Variants in TSPAN14 observed in about 807,000 individuals in gnomAD.
TSPAN14 encodes tetraspanin-14.
A neutral mutation model predicts 36.6 loss-of-function variants in TSPAN14; 16 were observed. The ratio of observed to expected loss-of-function variants is 0.44; its 90% CI spans 0.30 to 0.66. TSPAN14 has a LOEUF of 0.66. TSPAN14 is among the 30% of genes least tolerant of loss of function. The probability of loss-of-function intolerance (pLI) is 0.12; values close to 1 mark genes in which losing one functional copy is unlikely to be tolerated. For missense variants in TSPAN14, 231 were observed against 355.1 expected (o/e 0.65, Z 2.81); for synonymous variants, 139 against 143.8 (o/e 0.97, Z 0.24).
chr10:80,479,133 G>A (rs561698183), intron 1 of TSPAN14, among the ~76,000 whole-genome samples: 1 of 152,158 alleles, frequency 6.6e-6, no homozygotes, highest in South Asian at 2.1e-4. Context: ...ACTTTTTGAT[G>A]GGGTTGTTTG....
chr10:80,475,674 G>A (rs769021313), intron 1 of TSPAN14, among the ~76,000 whole-genome samples: 11 of 152,064 alleles, frequency 7.2e-5, no homozygotes, highest in African/African-American at 1.7e-4. Flanking sequence ...TGCAACTTCC[G>A]CCTCCTGGGT....
chr10:80,516,676 G>A (rs1840958489), intron 8 of TSPAN14, among the ~76,000 whole-genome samples: 1 of 152,160 alleles, frequency 6.6e-6, no homozygotes, highest in Non-Finnish European at 1.5e-5. Flanking sequence ...TGCTCGGGGT[G>A]GGCCATCAAG....
chr10:80,515,042 CTGT>C (rs1269042436), intron 7 of TSPAN14, among the ~76,000 whole-genome samples: 1 of 152,152 alleles, frequency 6.6e-6, no homozygotes, highest in Non-Finnish European at 1.5e-5. Flanking sequence ...AAATAAATTT[CTGT>C]TGTTTATAAG....
At chr10:80,483,397 T>C (rs1847401238) in intron 1 of TSPAN14, among the ~76,000 whole-genome samples, 1 of 152,236 alleles carries the variant, frequency 6.6e-6, no homozygotes, top group East Asian at 1.9e-4. Context: ...TTACAAATTG[T>C]CTCATAATTG....
In TSPAN14 at chr10:80,509,768, C is replaced by G. The variant is rs1840515179; in HGVS notation, c.450+297C>G. On this transcript the variant is annotated intron_variant, in intron 5 of 8. Coordinates refer to ENST00000429989, the Ensembl canonical transcript of TSPAN14. This position sits in a 1 kb window ranked among gnomAD's most constrained non-coding sequence, Gnocchi z 4.7. ...TCTTTCGGCCCCAGATCTTTCCAATCCTGCCCAATAGCCATACCAGCTGCA... is the reference window on the plus strand; with the variant it reads ...TCTTTCGGCCCCAGATCTTTCCAATGCTGCCCAATAGCCATACCAGCTGCA... 1 of 384,448 alleles carries G rather than the reference C, an allele frequency of 2.6e-6. No homozygotes were observed. The highest frequency in any genetic ancestry group is 4.3e-5 in the Admixed American group (1 of 23,226). The allele number at this position is 384,448 out of a possible 1,614,324, so 23.8% of individuals were successfully genotyped here.
chr10:80,488,085 C>G (rs1337272006), intron 1 of TSPAN14, among the ~76,000 whole-genome samples: 1 of 152,166 alleles, frequency 6.6e-6, no homozygotes, highest in East Asian at 1.9e-4. Flanking sequence ...CTAGGGTGGC[C>G]TTGTCTCCTT....
chr10:80,511,665 A>G (rs749863235), intron 5 of TSPAN14, among the ~76,000 whole-genome samples: 8 of 138,370 alleles, frequency 5.8e-5, no homozygotes, highest in Non-Finnish European at 1.1e-4. Flanking sequence ...CTTCACTGCC[A>G]TTTCCTTTTT....
chr10:80,513,340 C>A lies in TSPAN14; in HGVS notation c.577-679C>A, dbSNP rs143222878. 9.9e-5 allele frequency among the ~76,000 whole-genome samples: 15 copies of A among 152,252 alleles called. No homozygotes were observed. In the East Asian group the frequency reaches 2.9e-3, roughly 29 times the overall value. Reference sequence around the variant, plus strand: ...AGTAGAACTGGGCCAGTTGCCAGCTCTCGGTGCAGTTATGCAAAGCCTGGT... The same window carrying A: ...AGTAGAACTGGGCCAGTTGCCAGCTATCGGTGCAGTTATGCAAAGCCTGGT... On this transcript the variant is annotated intron_variant, in intron 6 of 8. Coordinates refer to ENST00000429989, the Ensembl canonical transcript of TSPAN14.
intron 3 of TSPAN14, among the ~76,000 whole-genome samples, chr10:80,505,692 T>C (rs770386252): frequency 4.6e-5 from 7 of 152,182 alleles, no homozygotes; most frequent in Non-Finnish European, 7.3e-5. Context: ...TGGGGTACGA[T>C]GTCCCTTTGC....
At chr10:80,484,104 G>A (rs1323960278) in intron 1 of TSPAN14, among the ~76,000 whole-genome samples, 1 of 150,712 alleles carries the variant, frequency 6.6e-6, no homozygotes, top group African/African-American at 2.4e-5. Flanking sequence ...AATTAGCCAG[G>A]CCTGGTGGCA....
chr10:80,521,179 G>A (rs1389774184), exon 9 of TSPAN14: 1 of 230,502 alleles, frequency 4.3e-6, no homozygotes, highest in African/African-American at 2.3e-5. Context: ...AAGGCTCCCA[G>A]CAGAGCAGAG....
chr10:80,479,360 C>T (rs1186962806), intron 1 of TSPAN14, among the ~76,000 whole-genome samples: 4 of 151,674 alleles, frequency 2.6e-5, no homozygotes, highest in African/African-American at 9.7e-5. Context: ...GACATGAAGT[C>T]CTTGCCCATG....
At chr10:80,474,476 G>C (rs1475369843) in intron 1 of TSPAN14, among the ~76,000 whole-genome samples, 1 of 151,916 alleles carries the variant, frequency 6.6e-6, no homozygotes, top group East Asian at 1.9e-4. Flanking sequence ...GGGAGTGAGG[G>C]GAGGGGAGGT....
intron 2 of TSPAN14, among the ~76,000 whole-genome samples, chr10:80,498,657 A>G (rs1848329051): frequency 2.0e-5 from 3 of 152,286 alleles, no homozygotes; most frequent in South Asian, 4.1e-4. Flanking sequence ...AGGACAGCAG[A>G]TGCTTGTGGC....
At chr10:80,512,532 G>A (rs1840715564) in intron 6 of TSPAN14, among the ~76,000 whole-genome samples, 1 of 152,214 alleles carries the variant, frequency 6.6e-6, no homozygotes, top group South Asian at 2.1e-4. Flanking sequence ...CTGGAGGGCT[G>A]TCACTTGCAG....
Position 80,516,441 on chromosome 10 carries a change from A to G in TSPAN14, c.741+118A>G, listed in dbSNP as rs1164801760. The stretch of plus-strand genomic sequence containing the variant: ...GGTATTAAGGAAGCTTGCAGAAGAA[A>G]AAAAGGGATTCAACTGGATGTCCAA... On this transcript the variant is annotated intron_variant, in intron 8 of 8. Transcript: ENST00000429989. 20 of 1,443,676 alleles carry G rather than the reference A, an allele frequency of 1.4e-5. 1 individual carries two copies. Among genetic ancestry groups the G allele is most frequent in the Admixed American group, 1.9e-5 (1 of 51,630 alleles). 89.4% of individuals were successfully genotyped at this position (1,443,676 alleles called of 1,614,324 possible). A position where few individuals can be genotyped will look rare whatever the true frequency, so the allele number is the denominator to read the frequency against.
At chr10:80,466,610 C>G (rs1429907338) in intron 1 of TSPAN14, 2 of 152,150 alleles carry the variant, frequency 1.3e-5, no homozygotes, top group Non-Finnish European at 2.9e-5. Context: ...GTAAAAAGAG[C>G]TGGTGCTCAT....
At chr10:80,519,837 T>TG (rs1295923498) in exon 9 of TSPAN14, 6 of 151,836 alleles carry the variant, frequency 4.0e-5, no homozygotes, top group Non-Finnish European at 8.8e-5. Flanking sequence ...TGGCAGCACT[T>TG]TCAGTTGCCC....
chr10:80,503,877 C>T (rs977097262), intron 2 of TSPAN14, among the ~76,000 whole-genome samples: 3 of 152,074 alleles, frequency 2.0e-5, no homozygotes, highest in Non-Finnish European at 4.4e-5. Context: ...AAAGTAGTCA[C>T]AGAAAAACAG....
Sources: allele counts gnomAD v4.1 joint callset (sites outside exome capture counted in the v4.1 genomes callset), GRCh38; gene constraint gnomAD v4.1.1; non-coding constraint Gnocchi (gnomAD v3.1); transcripts MANE v1.5; gene names NCBI Gene and HGNC (gene_info 2026-07-23, HGNC 2026-07-21).